VWA3B: variants seen among roughly 807,000 people sequenced by gnomAD.
VWA3B encodes the protein von Willebrand factor A domain containing 3B.
A neutral mutation model predicts 158.3 loss-of-function variants in VWA3B; 138 were observed. The ratio of observed to expected loss-of-function variants is 0.87; its 90% CI spans 0.76 to 1.00. VWA3B has a LOEUF of 1.00. Among genes scored for constraint, VWA3B ranks in the 50% least tolerant of loss-of-function variants. The pLI is 0.00. For synonymous variants in VWA3B, 596 were observed against 587.3 expected (o/e 1.01, Z -0.21); for missense variants, 1,555 against 1,565.1 (o/e 0.99, Z 0.11).
At chr2:98,195,177 G>A (rs766230280) in intron 12 of VWA3B, among the ~76,000 whole-genome samples, 12 of 152,326 alleles carry the variant, frequency 7.9e-5, no homozygotes, top group African/African-American at 2.2e-4. Flanking sequence ...GCTGGACATC[G>A]TGGTGCACAC....
intron 21 of VWA3B, among the ~76,000 whole-genome samples, chr2:98,264,050 C>G (rs1687644442): frequency 1.3e-5 from 2 of 151,758 alleles, no homozygotes; most frequent in Non-Finnish European, 2.9e-5. Context: ...GTCTCATAAT[C>G]CTTTTAATTT....
chr2:98,112,838 A>G (rs1674246219), intron 2 of VWA3B, among the ~76,000 whole-genome samples: 1 of 151,764 alleles, frequency 6.6e-6, no homozygotes, highest in Admixed American at 6.6e-5. Flanking sequence ...CATTTTGTCA[A>G]TATTTTTTTT....
intron 14 of VWA3B, among the ~76,000 whole-genome samples, chr2:98,221,761 C>A (rs1439974365): frequency 6.6e-6 from 1 of 152,158 alleles, no homozygotes; most frequent in Non-Finnish European, 1.5e-5. Flanking sequence ...GAGTCCCTCA[C>A]CAGGGTAGCG....
intron 12 of VWA3B, among the ~76,000 whole-genome samples, chr2:98,202,544 CTTTG>C (rs1286370829): frequency 6.6e-6 from 1 of 151,564 alleles, no homozygotes; most frequent in Non-Finnish European, 1.5e-5. Context: ...CTCCTACTTG[CTTTG>C]TTTTTTTAAA....
chr2:98,154,977 A>T (rs1240897267), intron 7 of VWA3B, among the ~76,000 whole-genome samples: 1 of 152,220 alleles, frequency 6.6e-6, no homozygotes, highest in African/African-American at 2.4e-5. Context: ...AGTCTCGACC[A>T]GGTGTCAGGA....
At chr2:98,163,651 T>A (rs952588344) in intron 8 of VWA3B, among the ~76,000 whole-genome samples, 4 of 152,094 alleles carry the variant, frequency 2.6e-5, no homozygotes, top group African/African-American at 9.7e-5. Context: ...GAGTACAACA[T>A]GGACAAGTGG....
At chr2:98,223,893 G>T (rs1266582623) in intron 14 of VWA3B, among the ~76,000 whole-genome samples, 2 of 151,890 alleles carry the variant, frequency 1.3e-5, no homozygotes, top group Non-Finnish European at 2.9e-5. Context: ...ACCATGCGTG[G>T]CTAATTTTTT....
chr2:98,128,089 C>G (rs2105011800), intron 5 of VWA3B, 150 bp from the exon 6 acceptor site: 1 of 886,698 alleles, frequency 1.1e-6, no homozygotes, highest in Non-Finnish European at 1.8e-6. Context: ...CTGACTGGCC[C>G]TGATGTCCTC....
chr2:98,303,257 G>A (rs752375409), intron 25 of VWA3B, among the ~76,000 whole-genome samples: 9 of 152,106 alleles, frequency 5.9e-5, no homozygotes, highest in Admixed American at 3.9e-4. Context: ...TGGCATGGCC[G>A]GGGGCGGGGG....
intron 10 of VWA3B, among the ~76,000 whole-genome samples, chr2:98,189,741 A>G (rs1023794422): frequency 1.3e-5 from 2 of 152,148 alleles, no homozygotes; most frequent in African/African-American, 4.8e-5. Flanking sequence ...TTGAGGCTCT[A>G]TTAATAGTTG....
chr2:98,126,003 G>A (rs954575052), intron 5 of VWA3B, among the ~76,000 whole-genome samples: 3 of 152,158 alleles, frequency 2.0e-5, no homozygotes, highest in African/African-American at 7.2e-5. Context: ...TGAGCAGAAA[G>A]GAGAGGCAGA....
At chr2:98,270,523 G>A (rs1266341829) in intron 21 of VWA3B, among the ~76,000 whole-genome samples, 159 bp from the exon 22 acceptor site, 1 of 152,218 alleles carries the variant, frequency 6.6e-6, no homozygotes, top group African/African-American at 2.4e-5. Context: ...CAGAGGGCAT[G>A]GCTATGATGC....
intron 8 of VWA3B, among the ~76,000 whole-genome samples, chr2:98,179,802 C>T (rs943744020): frequency 6.6e-5 from 5 of 75,408 alleles, no homozygotes; most frequent in Admixed American, 4.8e-4. Context: ...TTCTTTCTTT[C>T]TTTCTTTCTT....
chr2:98,135,191 G>A (rs1676166279), intron 7 of VWA3B, among the ~76,000 whole-genome samples: 1 of 152,156 alleles, frequency 6.6e-6, no homozygotes, highest in Admixed American at 6.5e-5. Flanking sequence ...ACTGGAAATG[G>A]GGTTTAGTCT....
At chr2:98,117,316 A>G (rs1434316298) in intron 3 of VWA3B, among the ~76,000 whole-genome samples, 1 of 151,878 alleles carries the variant, frequency 6.6e-6, no homozygotes, top group African/African-American at 2.4e-5. Context: ...TGAGGGTTTG[A>G]CTGTGGTGTG....
chr2:98,299,042 C>T lies in VWA3B; in HGVS notation c.3282+1011C>T, dbSNP rs189651504. ...TGGCCTTTGACCCTTTGCTACCCGG[C>T]GTCAGGAGATGGGGTTTCTCCTTTT... On this transcript the variant is annotated intron_variant, in intron 24 of 27. Transcript: ENST00000477737. Among the ~76,000 whole-genome samples, 677 of 152,282 alleles carry T rather than the reference C, an allele frequency of 4.4e-3. 1 individual carries two copies. Among genetic ancestry groups the T allele is most frequent in the Non-Finnish European group, 6.5e-3 (440 of 68,026 alleles).
intron 21 of VWA3B, among the ~76,000 whole-genome samples, chr2:98,269,657 G>C (rs539569120): frequency 9.2e-5 from 14 of 152,274 alleles, no homozygotes; most frequent in African/African-American, 3.4e-4. Flanking sequence ...AATGCAACAA[G>C]CTTTCTTACT....
chr2:98,256,299 C>G, intron 21 of VWA3B, 125 bp downstream of exon 21: 1 of 1,108,010 alleles, frequency 9.0e-7, no homozygotes, highest in Admixed American at 2.7e-5. Context: ...CAAACCACTA[C>G]CTTTTTCTAG....
intron 8 of VWA3B, 37 bp from the exon 9 acceptor site, chr2:98,180,979 A>T: frequency 2.5e-6 from 4 of 1,604,958 alleles, no homozygotes; most frequent in Non-Finnish European, 3.4e-6. Flanking sequence ...TGAATGGCTC[A>T]TGCAGTATGA....
Sources: gnomAD v4.1 joint callset for allele counts (sites outside exome capture counted in the v4.1 genomes callset) on GRCh38, gnomAD v4.1.1 for gene constraint, MANE v1.5 for transcripts, NCBI Gene and HGNC (gene_info 2026-07-23, HGNC 2026-07-21) for gene names.